DCLK1: variants seen among roughly 807,000 people sequenced by gnomAD.
DCLK1 encodes the protein serine/threonine-protein kinase DCLK1.
DCLK1 carries 16 observed loss-of-function variants against 86.2 expected under a neutral mutation model. That is an observed-to-expected ratio of 0.19 (90% confidence interval 0.13 to 0.28). The LOEUF (loss-of-function observed/expected upper bound fraction) is 0.28. Ranked by LOEUF, DCLK1 falls within the 10% of genes least tolerant of loss-of-function variation. The pLI is 1.00. For missense variants in DCLK1, 590 were observed against 940.2 expected, an observed-to-expected ratio of 0.63 and a Z score of 4.87; for synonymous variants, 369 against 370.5, an observed-to-expected ratio of 1.00 and a Z score of 0.05.
At chr13:35,975,264 C>T (rs1879277839) in intron 3 of DCLK1, among the ~76,000 whole-genome samples, 1 of 152,214 alleles carries the variant, frequency 6.6e-6, no homozygotes. Context: ...GGAAAAAACA[C>T]TTATGACCTG....
intron 5 of DCLK1, among the ~76,000 whole-genome samples, chr13:35,864,768 T>C (rs2086779194): frequency 6.7e-6 from 1 of 150,210 alleles, no homozygotes; most frequent in South Asian, 2.2e-4. Context: ...TCATGTCACC[T>C]CAGCCTCCCA....
chr13:36,022,223 T>C (rs1004002795), intron 3 of DCLK1, among the ~76,000 whole-genome samples: 1 of 151,916 alleles, frequency 6.6e-6, no homozygotes, highest in Non-Finnish European at 1.5e-5. Flanking sequence ...TAGTTCAAGA[T>C]GAACGAAAAT....
At chr13:35,818,211 T>C (rs371359170) in intron 11 of DCLK1, among the ~76,000 whole-genome samples, 2 of 152,198 alleles carry the variant, frequency 1.3e-5, no homozygotes, top group African/African-American at 4.8e-5. Context: ...GTGGCACTCA[T>C]CTTGTCCACC....
chr13:35,867,948 AG>A (rs368739731), intron 5 of DCLK1, among the ~76,000 whole-genome samples: 1 of 139,482 alleles, frequency 7.2e-6, no homozygotes, highest in African/African-American at 3.2e-5. Context: ...AAAGAAAGAA[AG>A]AAAGAAAGAA....
At chr13:36,074,463 C>T (rs1593866946) in intron 3 of DCLK1, among the ~76,000 whole-genome samples, 1 of 81,076 alleles carries the variant, frequency 1.2e-5, no homozygotes, top group African/African-American at 5.0e-5. Flanking sequence ...AGCGAGACTC[C>T]GTCTCAAAAA....
chr13:36,090,406 C>T (rs1430306133), intron 3 of DCLK1, among the ~76,000 whole-genome samples: 1 of 152,092 alleles, frequency 6.6e-6, no homozygotes, highest in African/African-American at 2.4e-5. Flanking sequence ...ATGGCACAGA[C>T]ACTTAGTATT....
chr13:35,861,702 T>C (rs1396902579), intron 5 of DCLK1, among the ~76,000 whole-genome samples: 1 of 152,160 alleles, frequency 6.6e-6, no homozygotes, highest in Non-Finnish European at 1.5e-5. Context: ...CTCTTACTGT[T>C]CTTCCCTGCT....
intron 3 of DCLK1, among the ~76,000 whole-genome samples, chr13:36,089,233 T>C (rs1292474243): frequency 1.3e-5 from 2 of 152,140 alleles, no homozygotes; most frequent in African/African-American, 4.8e-5. Context: ...CAATGTCACA[T>C]ATCTGCGAAT....
intron 4 of DCLK1, among the ~76,000 whole-genome samples, chr13:35,880,949 G>A (rs1027728309): frequency 7.9e-5 from 12 of 152,232 alleles, no homozygotes; most frequent in African/African-American, 2.6e-4. Flanking sequence ...TCTCCCACAT[G>A]TCATATGTTC....
intron 11 of DCLK1, among the ~76,000 whole-genome samples, chr13:35,822,284 G>T (rs2087413131): frequency 6.6e-6 from 1 of 152,084 alleles, no homozygotes. Flanking sequence ...CTCCTGAGTA[G>T]CTGGGACTAC....
At chr13:36,131,408 T>G (rs2138234327), upstream of DCLK1, 1 of 193,832 alleles carries the variant, frequency 5.2e-6, no homozygotes, top group Admixed American at 6.2e-5. Context: ...CGCGCTCCCT[T>G]TTCTTGTCTC....
chr13:36,099,457 G>A (rs1885122294), intron 3 of DCLK1, among the ~76,000 whole-genome samples: 1 of 152,142 alleles, frequency 6.6e-6, no homozygotes, highest in South Asian at 2.1e-4. Context: ...ATACAAATGT[G>A]AAAATGCAAG....
chr13:35,781,883 T>C (rs1045696422), intron 16 of DCLK1, among the ~76,000 whole-genome samples: 2 of 152,184 alleles, frequency 1.3e-5, no homozygotes, highest in African/African-American at 2.4e-5. Context: ...AAAATTAAAC[T>C]GACAAATCGA....
At chr13:36,111,129 C>T (rs763325548) in intron 3 of DCLK1, among the ~76,000 whole-genome samples, 12 of 151,938 alleles carry the variant, frequency 7.9e-5, no homozygotes, top group Non-Finnish European at 1.6e-4. Flanking sequence ...CCACCGTGCC[C>T]GGCCCTAATC....
At chr13:35,860,431 G>A (rs1020599170) in intron 5 of DCLK1, among the ~76,000 whole-genome samples, 2 of 152,002 alleles carry the variant, frequency 1.3e-5, no homozygotes, top group Admixed American at 1.3e-4. Context: ...TCACCTCATA[G>A]GTGAGGTGGA....
chr13:35,846,110 G>C, intron 6 of DCLK1: 1 of 985,320 alleles, frequency 1.0e-6, no homozygotes, highest in Non-Finnish European at 1.2e-6. Context: ...GATGGACTTA[G>C]TTGATGGATT....
chr13:36,015,965 A>AAATC (rs1881522719), intron 3 of DCLK1, among the ~76,000 whole-genome samples: 1 of 152,244 alleles, frequency 6.6e-6, no homozygotes, highest in African/African-American at 2.4e-5. Flanking sequence ...GTTAACCAGC[A>AAATC]AATCACTCAG....
chr13:35,790,526 T>C (rs1274159174), intron 16 of DCLK1, among the ~76,000 whole-genome samples: 1 of 152,170 alleles, frequency 6.6e-6, no homozygotes, highest in Non-Finnish European at 1.5e-5. Context: ...ATTAGTCCCA[T>C]GGTAAAGGCG....
In DCLK1 at chr13:35,982,462, G is replaced by A. The variant is rs1475167654; in HGVS notation, c.724-35005C>T. On this transcript the variant is annotated intron_variant, in intron 3 of 16. Coordinates refer to ENST00000360631, the MANE Select transcript of DCLK1 (RefSeq NM_001330071.2). ...AGGGAGGGAGGGAGGGAGGGAGGGA[G>A]GGAGGGAGGGAGGGAGAAAGGGCAA... Among the ~76,000 whole-genome samples, 13 of 134,640 alleles carry A rather than the reference G, an allele frequency of 9.7e-5. 1 individual carries two copies. The highest frequency in any genetic ancestry group is 3.0e-4 in the Admixed American group (4 of 13,532). 88.3% of individuals were successfully genotyped at this position (134,640 alleles called of 152,430 possible). A position where few individuals can be genotyped will look rare whatever the true frequency, so the allele number is the denominator to read the frequency against.
Sources: allele counts gnomAD v4.1 joint callset (sites outside exome capture counted in the v4.1 genomes callset), GRCh38; gene constraint gnomAD v4.1.1; transcripts MANE v1.5; gene names NCBI Gene and HGNC (gene_info 2026-07-23, HGNC 2026-07-21).